The following WDR25 variants were observed in gnomAD, a reference collection of about 807,000 sequenced individuals.
WDR25 encodes WD repeat domain 25.
In WDR25, 35 loss-of-function variants were observed where a neutral mutation model predicts 47.7. The observed-to-expected ratio is 0.73, with a 90% CI of 0.56 to 0.97. The LOEUF is 0.97. Ranked by LOEUF, WDR25 falls within the 50% of genes least tolerant of loss-of-function variation. The pLI, the probability that WDR25 is intolerant of heterozygous loss-of-function variation, is 0.00. For missense variants in WDR25, 634 were observed against 704.7 expected (o/e 0.90, Z 1.14); for synonymous variants, 248 against 278.9 (o/e 0.89, Z 1.10).
At chr14:100,466,327 C>T (rs1024115989) in intron 2 of WDR25, among the ~76,000 whole-genome samples, 2 of 152,330 alleles carry the variant, frequency 1.3e-5, no homozygotes, top group African/African-American at 2.4e-5. Context: ...TCCCAGGAAA[C>T]AAGGTTTCAG....
At position 100,529,657 on chromosome 14, in the gene WDR25, C is replaced by A; in HGVS notation, c.1414-163C>A. On this transcript the variant is annotated intron_variant, in intron 6 of 6. Transcript: ENST00000402312. The surrounding 1 kb of genome is among the most constrained non-coding windows in gnomAD (Gnocchi z 5.1). ...GATGTGGGCCCGCATCAGGGCTCTA[C>A]AGCCTCATGGGCGGGACCTGGGCTT... 1.3e-6 allele frequency: 1 copy of A among 772,022 alleles called. No homozygotes were observed. Among genetic ancestry groups the A allele is most frequent in the Non-Finnish European group, 2.0e-6 (1 of 490,208 alleles). 47.8% of individuals were successfully genotyped at this position (772,022 alleles called of 1,614,324 possible).
In WDR25 at chr14:100,484,082, C is replaced by T. The variant is rs572874170; in HGVS notation, c.1059C>T (p.Gly353=). The stretch of plus-strand genomic sequence containing the variant: ...ACCACAACATCTTTTTATGTGGAGG[C>T]TTCAGCTCTGAAATGAAAGCTTGGG... ...PKDHNIFLCG[G]FSSEMKAWDI... Residue 353 remains glycine (G), a synonymous_variant, in exon 4 of 7, where the codon GGC becomes GGT. Transcript: ENST00000402312. The T allele has an allele frequency of 1.2e-6, 2 of 1,613,956 alleles. No individual in the cohort carries two copies. The highest frequency in any genetic ancestry group is 2.2e-5 in the East Asian group (1 of 44,876).
intron 4 of WDR25, chr14:100,504,388 A>G (rs1901043911): frequency 1.3e-5 from 2 of 152,188 alleles, no homozygotes; most frequent in African/African-American, 2.4e-5. Flanking sequence ...TGGGTAATAA[A>G]TCAGTTATTT....
intron 5 of WDR25, among the ~76,000 whole-genome samples, chr14:100,526,329 C>T (rs1165143991): frequency 6.6e-6 from 1 of 152,144 alleles, no homozygotes; most frequent in Non-Finnish European, 1.5e-5. Flanking sequence ...GCAGTGCAAC[C>T]TGAGAAACCC....
At chr14:100,378,556 G>T (rs1896788423) in intron 1 of WDR25, among the ~76,000 whole-genome samples, 2 of 152,190 alleles carry the variant, frequency 1.3e-5, no homozygotes, top group African/African-American at 4.8e-5. Flanking sequence ...CATGCCCTCA[G>T]AATTGCTCCC....
chr14:100,530,165 C>T lies in WDR25; in HGVS notation c.*124C>T. Reference sequence around the variant, plus strand: ...GTCCTGGGTACCACCTTCTGAGCCTCAGTTTCCTCATCTGTAAAGTGGGGA... The same window carrying T: ...GTCCTGGGTACCACCTTCTGAGCCTTAGTTTCCTCATCTGTAAAGTGGGGA... On this transcript the variant is annotated 3_prime_UTR_variant, in exon 7 of 7. Transcript: ENST00000402312. 2 of 947,192 alleles carry T rather than the reference C, an allele frequency of 2.1e-6. No individual in the cohort carries two copies. Among genetic ancestry groups the T allele is most frequent in the Non-Finnish European group, 3.1e-6 (2 of 643,370 alleles). 58.7% of individuals were successfully genotyped at this position (947,192 alleles called of 1,614,324 possible).
At chr14:100,458,363 G>A (rs1221369185) in intron 2 of WDR25, among the ~76,000 whole-genome samples, 1 of 151,990 alleles carries the variant, frequency 6.6e-6, no homozygotes, top group African/African-American at 2.4e-5. Context: ...TAAACATTAG[G>A]TGCATAAATA....
chr14:100,506,231 C>A lies in WDR25; in HGVS notation c.1102-19639C>A, dbSNP rs977864259. On this transcript the variant is annotated intron_variant, in intron 4 of 6. Transcript: ENST00000402312. This position sits in a 1 kb window ranked among gnomAD's most constrained non-coding sequence, Gnocchi z 4.8. ...GTCTCCAACTTCATCCGTGTTGCTGCAAAGGACATGATTTCATCCTTTTTT... is the reference window on the plus strand; with the variant it reads ...GTCTCCAACTTCATCCGTGTTGCTGAAAAGGACATGATTTCATCCTTTTTT... Among the ~76,000 whole-genome samples the A allele has an allele frequency of 6.6e-6, 1 of 152,190 alleles. No individual in the cohort carries two copies. Among genetic ancestry groups the A allele is most frequent in the Non-Finnish European group, 1.5e-5 (1 of 68,038 alleles).
At chr14:100,514,475 T>G (rs1901427195) in intron 4 of WDR25, among the ~76,000 whole-genome samples, 1 of 152,180 alleles carries the variant, frequency 6.6e-6, no homozygotes, top group Admixed American at 6.5e-5. Flanking sequence ...TTCACTTGGA[T>G]TAATTTAGTA....
At chr14:100,510,510 C>T (rs112962063) in intron 4 of WDR25, among the ~76,000 whole-genome samples, 4,358 of 151,050 alleles carry the variant, frequency 0.029, 183 homozygotes, top group African/African-American at 0.1. Flanking sequence ...TCAAGGTGGG[C>T]GGATCACCTG....
In WDR25 at chr14:100,449,449, A is replaced by G. The variant is rs1898950734; in HGVS notation, c.823-18572A>G. 6.6e-6 allele frequency among the ~76,000 whole-genome samples: 1 copy of G among 152,180 alleles called. No homozygotes were observed. Reference sequence around the variant, plus strand: ...TGACTTTCTGAGAGTGGTCACCTCTATTCCGGGGCCCTGCCCTGGCTGGCT... The same window carrying G: ...TGACTTTCTGAGAGTGGTCACCTCTGTTCCGGGGCCCTGCCCTGGCTGGCT... On this transcript the variant is annotated intron_variant, in intron 2 of 6. Coordinates refer to ENST00000402312, the MANE Select transcript of WDR25 (RefSeq NM_001161476.3). This position sits in a 1 kb window ranked among gnomAD's most constrained non-coding sequence, Gnocchi z 4.2.
At position 100,376,495 on chromosome 14, in the gene WDR25, G is replaced by C. The variant is rs1190040479; in HGVS notation, c.-16G>C. The C allele has an allele frequency of 8.1e-7, 1 of 1,231,664 alleles. No individual in the cohort carries two copies. The highest frequency in any genetic ancestry group is 1.5e-5 in the African/African-American group (1 of 64,540). 76.3% of individuals were successfully genotyped at this position (1,231,664 alleles called of 1,614,324 possible). A position where few individuals can be genotyped will look rare whatever the true frequency, so the allele number is the denominator to read the frequency against. On this transcript the variant is annotated splice_region_variant and 5_prime_UTR_variant, in exon 1 of 7. Coordinates refer to ENST00000402312, the MANE Select transcript of WDR25 (RefSeq NM_001161476.3). ...GCCTCCGGGAGAACCGAGCGCTTCCGGTGCGTGTGGTGAGCGGCGGGCCCC... is the reference window on the plus strand; with the variant it reads ...GCCTCCGGGAGAACCGAGCGCTTCCCGTGCGTGTGGTGAGCGGCGGGCCCC...
At chr14:100,377,412 G>T (rs1240918784) in intron 1 of WDR25, among the ~76,000 whole-genome samples, 1 of 152,008 alleles carries the variant, frequency 6.6e-6, no homozygotes. Context: ...CAATTCTGCG[G>T]CCTCAGCCTC....
At chr14:100,458,517 A>C (rs1012274765) in intron 2 of WDR25, among the ~76,000 whole-genome samples, 11 of 152,202 alleles carry the variant, frequency 7.2e-5, no homozygotes, top group African/African-American at 2.7e-4. Context: ...ACAGAAAATC[A>C]GTTAAGATTT....
chr14:100,469,694 G>A (rs1470153588), intron 3 of WDR25, among the ~76,000 whole-genome samples: 1 of 152,222 alleles, frequency 6.6e-6, no homozygotes, highest in Non-Finnish European at 1.5e-5. Flanking sequence ...GATGATGGCA[G>A]CACTTACTAC....
chr14:100,440,365 G>A lies in WDR25; in HGVS notation c.823-27656G>A, dbSNP rs73349406. 4.9e-3 allele frequency among the ~76,000 whole-genome samples: 750 copies of A among 152,358 alleles called. 11 individuals are homozygous for A. The highest frequency in any genetic ancestry group is 0.017 in the African/African-American group (704 of 41,586). On this transcript the variant is annotated intron_variant, in intron 2 of 6. Transcript: ENST00000402312. The surrounding 1 kb of genome is among the most constrained non-coding windows in gnomAD (Gnocchi z 4.4). ...CAGGGAGCCCTTCGGCCACGGCAGC[G>A]GGGTGGCGCCAGACACCTGGCTTTG...
chr14:100,410,708 C>T (rs987833704), intron 2 of WDR25, among the ~76,000 whole-genome samples: 2 of 151,694 alleles, frequency 1.3e-5, no homozygotes, highest in African/African-American at 4.8e-5. Context: ...AGAGAGTGTT[C>T]ACTTTATACT....
chr14:100,464,485 T>TA (rs1246977284), intron 2 of WDR25, among the ~76,000 whole-genome samples: 1 of 152,222 alleles, frequency 6.6e-6, no homozygotes, highest in African/African-American at 2.4e-5. Context: ...TGTTTCCTGT[T>TA]ACACAATGCC....
chr14:100,394,976 C>T (rs1897225691), intron 2 of WDR25, among the ~76,000 whole-genome samples: 1 of 151,140 alleles, frequency 6.6e-6, no homozygotes, highest in South Asian at 2.1e-4. Context: ...CAAAAAAAAA[C>T]AACAACAATG....
Sources: gnomAD v4.1 joint callset for allele counts (sites outside exome capture counted in the v4.1 genomes callset) on GRCh38, gnomAD v4.1.1 for gene constraint, Gnocchi (gnomAD v3.1) non-coding constraint, MANE v1.5 for transcripts, NCBI Gene and HGNC (gene_info 2026-07-23, HGNC 2026-07-21) for gene names.